The following BTBD9 variants were observed in gnomAD, a reference collection of about 807,000 sequenced individuals.
The protein encoded by BTBD9 is BTB domain containing 9.
Under a neutral mutation model 64.3 loss-of-function variants are expected in BTBD9, and 49 were observed. The ratio of observed to expected loss-of-function variants is 0.76; its 90% CI spans 0.61 to 0.97. The LOEUF (loss-of-function observed/expected upper bound fraction) is 0.97, where lower values mean the gene tolerates loss of function less well. Ranked by LOEUF, BTBD9 falls within the 50% of genes least tolerant of loss-of-function variation. BTBD9 has a pLI of 0.00. For missense variants in BTBD9, 598 were observed against 762.1 expected, an observed-to-expected ratio of 0.78 and a Z score of 2.53; for synonymous variants, 260 against 274.7, an observed-to-expected ratio of 0.95 and a Z score of 0.53.
intron 6 of BTBD9, among the ~76,000 whole-genome samples, chr6:38,352,166 T>C (rs113557275): frequency 0.024 from 3,718 of 151,956 alleles, 139 homozygotes; most frequent in African/African-American, 0.085. Flanking sequence ...CACTTGAGCC[T>C]AGGAGTTCGA....
intron 7 of BTBD9, among the ~76,000 whole-genome samples, chr6:38,315,348 C>G (rs1360128402): frequency 6.6e-6 from 1 of 151,990 alleles, no homozygotes; most frequent in Non-Finnish European, 1.5e-5. Context: ...TCTTGCTTTT[C>G]TAGTTCTTTA....
intron 6 of BTBD9, among the ~76,000 whole-genome samples, chr6:38,488,010 A>T (rs1771534467): frequency 6.6e-6 from 1 of 152,208 alleles, no homozygotes; most frequent in South Asian, 2.1e-4. Context: ...GTCCCTAGTT[A>T]GAAAAAGCAA....
Position 38,265,582 on chromosome 6 carries a change from A to G in BTBD9, c.1455-9066T>C, listed in dbSNP as rs532842219. ...AGTGGCGTAATCTTGGCTTACTGCA[A>G]CCTCTGCTCACTGCAACCTCCACCT... On this transcript the variant is annotated intron_variant, in intron 8 of 10. Coordinates refer to ENST00000481247, the MANE Select transcript of BTBD9 (RefSeq NM_001099272.2). Among the ~76,000 whole-genome samples, 13 of 151,166 alleles carry G rather than the reference A, an allele frequency of 8.6e-5. No homozygotes were observed. The East Asian group carries it at 2.3e-3, about 27-fold the overall frequency.
chr6:38,310,015 A>G (rs1762770185), intron 7 of BTBD9, among the ~76,000 whole-genome samples: 1 of 152,192 alleles, frequency 6.6e-6, no homozygotes, highest in Admixed American at 6.5e-5. Context: ...AAGGTGAGAC[A>G]TAACACCAAA....
At chr6:38,545,855 TACACACACACACACAC>T (rs34465570) in intron 6 of BTBD9, among the ~76,000 whole-genome samples, 128 of 130,640 alleles carry the variant, frequency 9.8e-4, no homozygotes, top group Non-Finnish European at 1.4e-3. Context: ...CACACACACA[TACACACACACACACAC>T]ACACACACAC....
chr6:38,451,645 C>T (rs541636393), intron 6 of BTBD9, among the ~76,000 whole-genome samples: 9 of 152,214 alleles, frequency 5.9e-5, no homozygotes, highest in South Asian at 4.1e-4. Flanking sequence ...CATATGAAGA[C>T]GATGATAGTA....
At chr6:38,582,195 C>T (rs1258907590) in intron 4 of BTBD9, among the ~76,000 whole-genome samples, 1 of 152,116 alleles carries the variant, frequency 6.6e-6, no homozygotes, top group African/African-American at 2.4e-5. Context: ...AACAAAACAT[C>T]CTAGTTATGC....
At chr6:38,480,638 A>C (rs539774809) in intron 6 of BTBD9, among the ~76,000 whole-genome samples, 1 of 152,312 alleles carries the variant, frequency 6.6e-6, no homozygotes, top group East Asian at 1.9e-4. Context: ...GCTCAGCTAT[A>C]GAACACGCCA....
intron 8 of BTBD9, among the ~76,000 whole-genome samples, chr6:38,264,768 G>A (rs185494877): frequency 2.0e-5 from 3 of 152,294 alleles, no homozygotes; most frequent in East Asian, 1.9e-4. Flanking sequence ...GATTCTCAGC[G>A]GGAGCCTAGA....
chr6:38,268,427 C>G lies in BTBD9; in HGVS notation c.1455-11911G>C, dbSNP rs116623900. 6.2e-3 allele frequency among the ~76,000 whole-genome samples: 939 copies of G among 152,284 alleles called. 7 individuals are homozygous for G. The highest frequency in any genetic ancestry group is 0.021 in the African/African-American group (872 of 41,542). On this transcript the variant is annotated intron_variant, in intron 8 of 10. Transcript: ENST00000481247. ...AGCTACATGCAGATCTTTGTATTCT[C>G]TTGACCTGGTGATAAAGGGAAAGAA...
At chr6:38,601,554 C>T (rs533374200) in intron 1 of BTBD9, among the ~76,000 whole-genome samples, 20 of 152,094 alleles carry the variant, frequency 1.3e-4, no homozygotes, top group Non-Finnish European at 2.8e-4. Flanking sequence ...GGCATGGTGG[C>T]ATGAGCCTGT....
intron 8 of BTBD9, 60 bp downstream of exon 8, chr6:38,288,212 A>C (rs1761818320): frequency 1.3e-6 from 2 of 1,485,432 alleles, no homozygotes; most frequent in Non-Finnish European, 1.8e-6. Flanking sequence ...TTTTACCAAA[A>C]TACAATCTAT....
intron 6 of BTBD9, among the ~76,000 whole-genome samples, chr6:38,479,260 C>T (rs111502291): frequency 5.3e-5 from 8 of 152,210 alleles, no homozygotes; most frequent in African/African-American, 1.9e-4. Flanking sequence ...GCTCCTCTCC[C>T]GACGGCTTCC....
At chr6:38,270,011 A>G (rs1765145834) in intron 8 of BTBD9, among the ~76,000 whole-genome samples, 1 of 152,180 alleles carries the variant, frequency 6.6e-6, no homozygotes, top group Non-Finnish European at 1.5e-5. Flanking sequence ...TGAGAGAAGG[A>G]AATCTGAGTG....
intron 10 of BTBD9, among the ~76,000 whole-genome samples, chr6:38,190,067 C>CTCCCACAGGT (rs1326936104): frequency 4.6e-5 from 7 of 152,146 alleles, no homozygotes; most frequent in Admixed American, 3.3e-4. Flanking sequence ...TGGCCTCAGC[C>CTCCCACAGGT]TCCCAAAGTG....
chr6:38,422,346 C>G (rs1162775866), intron 6 of BTBD9, among the ~76,000 whole-genome samples: 1 of 152,156 alleles, frequency 6.6e-6, no homozygotes, highest in Non-Finnish European at 1.5e-5. Flanking sequence ...ACAACCCATT[C>G]TTTTCCTTCA....
chr6:38,322,503 T>C (rs986619704), intron 7 of BTBD9, among the ~76,000 whole-genome samples: 3 of 152,202 alleles, frequency 2.0e-5, no homozygotes, highest in Admixed American at 1.3e-4. Context: ...TGGGGAACCA[T>C]TTTACAGGAT....
chr6:38,562,201 A>G (rs1022995998), intron 6 of BTBD9, among the ~76,000 whole-genome samples: 6 of 152,236 alleles, frequency 3.9e-5, no homozygotes, highest in Non-Finnish European at 1.5e-5. Flanking sequence ...ATACGAAAAT[A>G]TAACATTCTT....
chr6:38,197,964 G>T (rs778550716), intron 9 of BTBD9, among the ~76,000 whole-genome samples: 41 of 152,098 alleles, frequency 2.7e-4, no homozygotes, highest in Non-Finnish European at 4.7e-4. Flanking sequence ...GCGAGGACTG[G>T]GACTGCTGAT....
Sources: gnomAD v4.1 joint callset for allele counts (sites outside exome capture counted in the v4.1 genomes callset) on GRCh38, gnomAD v4.1.1 for gene constraint, MANE v1.5 for transcripts, NCBI Gene and HGNC (gene_info 2026-07-23, HGNC 2026-07-21) for gene names.